Variants in ARID4A observed in about 807,000 individuals in gnomAD.
The protein encoded by ARID4A is AT-rich interaction domain 4A.
In ARID4A, 39 loss-of-function variants were observed where a neutral mutation model predicts 148.6. The ratio of observed to expected loss-of-function variants is 0.26; its 90% CI spans 0.20 to 0.34. The LOEUF (loss-of-function observed/expected upper bound fraction) is 0.34, where lower values mean the gene tolerates loss of function less well. Among genes scored for constraint, ARID4A ranks in the 10% least tolerant of loss-of-function variants. ARID4A has a pLI of 1.00. For missense variants in ARID4A, 1,265 were observed against 1,449.1 expected (o/e 0.87, Z 2.06); for synonymous variants, 475 against 481.2 (o/e 0.99, Z 0.17).
chr14:58,365,467 CT>C (rs71107938), intron 20 of ARID4A, 50 bp from the exon 21 acceptor site: 18,611 of 349,296 alleles, frequency 0.053, 35 homozygotes, highest in East Asian at 0.074. Flanking sequence ...TATACTTGCT[CT>C]TTTTTTTTTT....
At chr14:58,332,262 TATCTTAAAATGTGTCACCTAA>T (rs1411157379) in intron 11 of ARID4A, among the ~76,000 whole-genome samples, 1 of 152,142 alleles carries the variant, frequency 6.6e-6, no homozygotes, top group African/African-American at 2.4e-5. Flanking sequence ...ACAAGGATAG[TATCTTAAAATGTGTCACCTAA>T]ATTATGAGCC....
At chr14:58,330,453 A>C (rs2033459559) in intron 11 of ARID4A, among the ~76,000 whole-genome samples, 1 of 152,184 alleles carries the variant, frequency 6.6e-6, no homozygotes, top group African/African-American at 2.4e-5. Context: ...CAGGAGGGAA[A>C]AAAATGTAAT....
At position 58,346,504 on chromosome 14, in the gene ARID4A, A is replaced by G. The variant is rs1594936026; in HGVS notation, c.1073A>G (p.Asn358Ser). 1.9e-6 allele frequency: 3 copies of G among 1,595,694 alleles called. No homozygotes were observed. The highest frequency in any genetic ancestry group is 1.7e-5 in the Admixed American group (1 of 59,312). Reference protein sequence around the residue: ...RLVYHQGGCDNIDSGAVWKQI... With the variant: ...RLVYHQGGCDSIDSGAVWKQI... ...GTTTATCATCAGGGTGGATGTGACA[A>G]TGTAAGTATAACATTGCTTTTTGAA... Residue 358 changes from asparagine (N) to serine (S), a missense_variant and splice_region_variant, in exon 13 of 24, where the codon AAT (asparagine) becomes AGT (serine). Around this residue, in one of 9 missense-constraint regions of ARID4A, gnomAD observed 249 missense variants for 277.2 expected, o/e 0.90. Transcript: ENST00000355431.
rs202122364 is a variant in ARID4A at position 58,367,058 on chromosome 14, A to T, written c.3670+29A>T. The T allele has an allele frequency of 7.7e-5, 107 of 1,395,916 alleles. 1 individual carries two copies. In the East Asian group the frequency reaches 2.9e-3, roughly 37 times the overall value. The allele number at this position is 1,395,916 out of a possible 1,614,324, so 86.5% of individuals were successfully genotyped here. A position where few individuals can be genotyped will look rare whatever the true frequency, so the allele number is the denominator to read the frequency against. On this transcript the variant is annotated intron_variant, in intron 23 of 23. Transcript: ENST00000355431. ...ATTTTATTATGATTTTTCTCCCCTTATATTTCAAAACTATATCCTATCATT... is the reference window on the plus strand; with the variant it reads ...ATTTTATTATGATTTTTCTCCCCTTTTATTTCAAAACTATATCCTATCATT...
At chr14:58,319,427 AGTATATGTTTTTTATCTTT>A (rs2032699785) in intron 7 of ARID4A, among the ~76,000 whole-genome samples, 1 of 149,784 alleles carries the variant, frequency 6.7e-6, no homozygotes, top group African/African-American at 2.5e-5. Flanking sequence ...ATTTTAAGTG[AGTATATGTTTTTTATCTTT>A]TACTTCAAAA....
chr14:58,363,773 G>C (rs998184638), intron 19 of ARID4A, among the ~76,000 whole-genome samples: 4 of 151,886 alleles, frequency 2.6e-5, no homozygotes. Context: ...CCTTTCTTAG[G>C]GTACAAAATG....
chr14:58,329,975 A>G (rs746325620), intron 10 of ARID4A, 28 bp from the exon 11 acceptor site: 1 of 1,582,326 alleles, frequency 6.3e-7, no homozygotes, highest in East Asian at 2.2e-5. Flanking sequence ...ATTCCATAGC[A>G]ACTGCTGAAG....
intron 4 of ARID4A, 103 bp from the exon 5 acceptor site, chr14:58,305,919 A>C: frequency 2.6e-6 from 2 of 780,176 alleles, no homozygotes; most frequent in South Asian, 3.1e-5. Context: ...TAGAATTATC[A>C]TAAGTATGGT....
At chr14:58,327,754 C>T (rs918496709) in intron 8 of ARID4A, among the ~76,000 whole-genome samples, 2 of 152,098 alleles carry the variant, frequency 1.3e-5, no homozygotes, top group African/African-American at 4.8e-5. Context: ...TCACCGCAGC[C>T]TCCACCTCCT....
At chr14:58,341,028 C>T (rs943005728) in intron 11 of ARID4A, among the ~76,000 whole-genome samples, 7 of 152,054 alleles carry the variant, frequency 4.6e-5, no homozygotes, top group Non-Finnish European at 1.0e-4. Flanking sequence ...TCCCTCTCCC[C>T]TTCTCTCTCC....
At chr14:58,365,680 G>C in intron 21 of ARID4A, 58 bp downstream of exon 21, 1 of 1,460,890 alleles carries the variant, frequency 6.8e-7, no homozygotes, top group African/African-American at 1.4e-5. Flanking sequence ...CAGTTTGTTG[G>C]CTTGTTTTAA....
chr14:58,371,329 TAAA>T (rs2035603688), intron 23 of ARID4A, among the ~76,000 whole-genome samples: 1 of 152,102 alleles, frequency 6.6e-6, no homozygotes. Flanking sequence ...GCAAAGAACT[TAAA>T]AAGTGGCAAA....
chr14:58,314,303 G>T lies in ARID4A; in HGVS notation c.275-4239G>T, dbSNP rs1264635191. On this transcript the variant is annotated intron_variant, in intron 5 of 23. Coordinates refer to ENST00000355431, the MANE Select transcript of ARID4A (RefSeq NM_002892.4). ...ACTCTTCAGTGCCTACAAATGTTATGTTCTTTTAGATGAGAGCTCTAAGAT... is the reference window on the plus strand; with the variant it reads ...ACTCTTCAGTGCCTACAAATGTTATTTTCTTTTAGATGAGAGCTCTAAGAT... 2.0e-5 allele frequency among the ~76,000 whole-genome samples: 3 copies of T among 152,148 alleles called. 1 individual carries two copies.
chr14:58,363,859 T>G (rs1226537450), intron 19 of ARID4A, among the ~76,000 whole-genome samples: 1 of 152,212 alleles, frequency 6.6e-6, no homozygotes, highest in East Asian at 1.9e-4. Flanking sequence ...GTCTAGGTAC[T>G]AATCTTTTGA....
At chr14:58,299,895 C>G (rs1276287724) in intron 2 of ARID4A, 35 bp downstream of exon 2, 1 of 1,613,846 alleles carries the variant, frequency 6.2e-7, no homozygotes, top group Non-Finnish European at 8.5e-7. Context: ...ATCCTCGCGC[C>G]CTGAACACTG....
intron 20 of ARID4A, 29 bp from the exon 21 acceptor site, chr14:58,365,489 T>TTTTTTA: frequency 2.0e-6 from 2 of 985,682 alleles, no homozygotes; most frequent in Non-Finnish European, 2.9e-6. Context: ...TTTTTTTTTT[T>TTTTTTA]CAACATTCTC....
intron 8 of ARID4A, among the ~76,000 whole-genome samples, chr14:58,324,892 G>A (rs1019545256): frequency 1.3e-5 from 2 of 152,094 alleles, no homozygotes; most frequent in African/African-American, 4.8e-5. Flanking sequence ...AGGCTTTAAT[G>A]TATTGCCCTC....
intron 11 of ARID4A, among the ~76,000 whole-genome samples, chr14:58,342,467 T>G (rs1165625340): frequency 1.3e-5 from 2 of 152,224 alleles, no homozygotes; most frequent in African/African-American, 2.4e-5. Flanking sequence ...CATTAAAAAT[T>G]TATCAAATGT....
intron 5 of ARID4A, among the ~76,000 whole-genome samples, chr14:58,318,084 T>C (rs2032591938): frequency 6.6e-6 from 1 of 152,204 alleles, no homozygotes; most frequent in East Asian, 1.9e-4. Context: ...TAGTAGGTTA[T>C]CATGCAAATA....
Sources: gnomAD v4.1 joint callset for allele counts (sites outside exome capture counted in the v4.1 genomes callset) on GRCh38, gnomAD v4.1.1 for gene constraint, gnomAD v4.1.1 regional missense constraint, MANE v1.5 for transcripts, NCBI Gene and HGNC (gene_info 2026-07-23, HGNC 2026-07-21) for gene names.